C8orf34: variants seen among roughly 807,000 people sequenced by gnomAD.
The protein encoded by C8orf34 is uncharacterized protein C8orf34.
Under a neutral mutation model 68.3 loss-of-function variants are expected in C8orf34, and 65 were observed. The observed-to-expected ratio is 0.95, with a 90% CI of 0.78 to 1.17. The LOEUF is 1.17. Ranked by LOEUF, C8orf34 falls within the 50% of genes most tolerant of loss-of-function variation. The pLI, the probability that C8orf34 is intolerant of heterozygous loss-of-function variation, is 0.00. For synonymous variants in C8orf34, 244 were observed against 241.2 expected (o/e 1.01, Z -0.11); for missense variants, 664 against 655.4 (o/e 1.01, Z -0.14).
chr8:68,474,724 A>G (rs1467236018), intron 4 of C8orf34, among the ~76,000 whole-genome samples: 2 of 152,194 alleles, frequency 1.3e-5, no homozygotes, highest in African/African-American at 2.4e-5. Flanking sequence ...CATCTTCAAC[A>G]CTGACTTTTA....
intron 8 of C8orf34, among the ~76,000 whole-genome samples, chr8:68,696,768 A>G (rs995856722): frequency 4.6e-5 from 7 of 152,022 alleles, no homozygotes; most frequent in African/African-American, 1.7e-4. Flanking sequence ...GCTTTGCTTC[A>G]CTTTTTACTA....
At chr8:68,415,360 A>G (rs2129622681) in intron 1 of C8orf34, among the ~76,000 whole-genome samples, 1 of 152,234 alleles carries the variant, frequency 6.6e-6, no homozygotes, top group African/African-American at 2.4e-5. Context: ...CATGCCTGTA[A>G]TCCCAGCTAC....
intron 12 of C8orf34, among the ~76,000 whole-genome samples, chr8:68,789,527 T>A (rs761391379): frequency 2.0e-5 from 3 of 152,196 alleles, no homozygotes; most frequent in Non-Finnish European, 4.4e-5. Context: ...TCTTCAACCC[T>A]TGTCACCTAA....
chr8:68,554,330 A>T (rs1362958400), intron 7 of C8orf34, among the ~76,000 whole-genome samples: 1 of 152,084 alleles, frequency 6.6e-6, no homozygotes, highest in East Asian at 1.9e-4. Flanking sequence ...TTTTGCTTTG[A>T]ATTAAGTTTA....
intron 10 of C8orf34, among the ~76,000 whole-genome samples, chr8:68,730,037 T>C (rs988449420): frequency 8.5e-5 from 13 of 152,176 alleles, no homozygotes; most frequent in Non-Finnish European, 1.9e-4. Context: ...AATGAATTAA[T>C]GAACAACTTG....
At chr8:68,600,402 C>T (rs768365472) in intron 7 of C8orf34, among the ~76,000 whole-genome samples, 4 of 152,078 alleles carry the variant, frequency 2.6e-5, no homozygotes, top group Non-Finnish European at 4.4e-5. Context: ...TTTACATGTA[C>T]TTCCATTTTT....
chr8:68,490,070 C>T (rs1317420581), intron 5 of C8orf34, among the ~76,000 whole-genome samples: 6 of 152,106 alleles, frequency 3.9e-5, no homozygotes, highest in Admixed American at 3.9e-4. Context: ...TTTCTAGTCC[C>T]CCCTCTGTGT....
intron 1 of C8orf34, among the ~76,000 whole-genome samples, chr8:68,391,270 C>T (rs993476237): frequency 1.3e-5 from 2 of 152,144 alleles, no homozygotes; most frequent in East Asian, 1.9e-4. Flanking sequence ...CAATGTCCCA[C>T]AGTAACTTAC....
chr8:68,683,340 T>C (rs114060229), intron 8 of C8orf34, among the ~76,000 whole-genome samples: 65 of 151,574 alleles, frequency 4.3e-4, no homozygotes, highest in African/African-American at 1.3e-3. Flanking sequence ...ACAGAATCAA[T>C]AGTCAGCCTA....
intron 12 of C8orf34, among the ~76,000 whole-genome samples, chr8:68,794,207 T>C (rs1824097387): frequency 1.3e-5 from 2 of 151,800 alleles, no homozygotes; most frequent in South Asian, 4.2e-4. Context: ...GGTCTCACTC[T>C]GTCACCCAGA....
intron 1 of C8orf34, among the ~76,000 whole-genome samples, chr8:68,412,376 A>G (rs1362454136): frequency 6.6e-6 from 1 of 152,346 alleles, no homozygotes; most frequent in East Asian, 1.9e-4. Context: ...TAGTTCTAAT[A>G]TAGAGGAAAG....
At chr8:68,732,339 T>G (rs1654299942) in intron 10 of C8orf34, among the ~76,000 whole-genome samples, 1 of 152,142 alleles carries the variant, frequency 6.6e-6, no homozygotes, top group Non-Finnish European at 1.5e-5. Context: ...AAAATGAAAC[T>G]TTTTGTCCTT....
At chr8:68,454,331 A>G (rs1811462565) in intron 3 of C8orf34, among the ~76,000 whole-genome samples, 2 of 152,030 alleles carry the variant, frequency 1.3e-5, no homozygotes, top group African/African-American at 4.8e-5. Context: ...AGAATAGATA[A>G]AACTTGGTGT....
intron 1 of C8orf34, among the ~76,000 whole-genome samples, chr8:68,375,171 T>C (rs190353896): frequency 8.5e-4 from 129 of 152,344 alleles, no homozygotes; most frequent in Admixed American, 1.2e-3. Flanking sequence ...TTATGTGCAA[T>C]AAAGTGACAT....
intron 5 of C8orf34, among the ~76,000 whole-genome samples, chr8:68,496,304 T>C (rs1586259093): frequency 6.6e-6 from 1 of 152,294 alleles, no homozygotes. Context: ...TTCTCACTTA[T>C]ACTCATAACA....
At chr8:68,578,204 G>A (rs77360387) in intron 7 of C8orf34, among the ~76,000 whole-genome samples, 4,487 of 151,636 alleles carry the variant, frequency 0.03, 220 homozygotes, top group African/African-American at 0.1. Flanking sequence ...AAAATATTAG[G>A]GTACAAGAAA....
chr8:68,615,524 C>A (rs1033158328), intron 7 of C8orf34, among the ~76,000 whole-genome samples: 6 of 152,078 alleles, frequency 3.9e-5, no homozygotes, highest in African/African-American at 1.4e-4. Context: ...TGTCAAAGGC[C>A]TTTTCTGCAT....
intron 7 of C8orf34, among the ~76,000 whole-genome samples, chr8:68,536,819 T>C (rs1234931689): frequency 6.6e-6 from 1 of 152,100 alleles, no homozygotes; most frequent in South Asian, 2.1e-4. Context: ...TTATATAAAA[T>C]CCAAAATCAA....
At chr8:68,437,224 TA>T (rs1235330843) in intron 1 of C8orf34, among the ~76,000 whole-genome samples, 25 of 152,222 alleles carry the variant, frequency 1.6e-4, no homozygotes, top group Admixed American at 3.9e-4. Flanking sequence ...TATGACTAAA[TA>T]ATCCATCTTC....
Sources: allele counts gnomAD v4.1 joint callset (sites outside exome capture counted in the v4.1 genomes callset), GRCh38; gene constraint gnomAD v4.1.1; transcripts MANE v1.5; gene names NCBI Gene and HGNC (gene_info 2026-07-23, HGNC 2026-07-21).